PRR16: variants seen among roughly 807,000 people sequenced by gnomAD.
PRR16 encodes protein Largen.
A neutral mutation model predicts 18.2 loss-of-function variants in PRR16; 6 were observed. The observed-to-expected ratio is 0.33, with a 90% confidence interval of 0.18 to 0.65. The LOEUF (loss-of-function observed/expected upper bound fraction) is 0.65. PRR16 is among the 30% of genes least tolerant of loss of function. The pLI is 0.74. For synonymous variants in PRR16, 151 were observed against 147.8 expected (o/e 1.02, Z -0.16); for missense variants, 412 against 376.6 (o/e 1.09, Z -0.78).
intron 1 of PRR16, among the ~76,000 whole-genome samples, chr5:120,528,367 A>C (rs192852508): frequency 2.0e-5 from 3 of 152,318 alleles, no homozygotes; most frequent in Admixed American, 2.0e-4. Flanking sequence ...GCATTTCAGT[A>C]CAATGAATGG....
chr5:120,695,559 A>C, the PRR16 span, among the ~76,000 whole-genome samples: 1 of 152,218 alleles, frequency 6.6e-6, no homozygotes, highest in African/African-American at 2.4e-5. Flanking sequence ...CTCTTGCCTT[A>C]GTTTCTACTC....
At chr5:120,785,572 GTTGTTT>G in the PRR16 span, among the ~76,000 whole-genome samples, 1 of 119,908 alleles carries the variant, frequency 8.3e-6, no homozygotes, top group African/African-American at 3.3e-5. Context: ...TTTTGTTGTT[GTTGTTT>G]TTTTTTTTTT....
intron 1 of PRR16, among the ~76,000 whole-genome samples, chr5:120,584,579 T>C (rs1467320747): frequency 6.6e-6 from 1 of 152,214 alleles, no homozygotes; most frequent in Non-Finnish European, 1.5e-5. Flanking sequence ...TCCCCAGGCA[T>C]TTTCTAATTT....
chr5:120,728,419 G>A, the PRR16 span, among the ~76,000 whole-genome samples: 2 of 151,590 alleles, frequency 1.3e-5, no homozygotes, highest in African/African-American at 4.8e-5. Flanking sequence ...TTCTATTAAG[G>A]AGAGAATTCT....
chr5:120,660,444 C>A (rs1756137369), intron 1 of PRR16, among the ~76,000 whole-genome samples: 1 of 152,038 alleles, frequency 6.6e-6, no homozygotes, highest in Non-Finnish European at 1.5e-5. Context: ...GTATTCAAAA[C>A]TTTTCCATGG....
At chr5:120,778,385 T>C in the PRR16 span, among the ~76,000 whole-genome samples, 2 of 152,174 alleles carry the variant, frequency 1.3e-5, no homozygotes, top group Non-Finnish European at 2.9e-5. Flanking sequence ...ATTTTTCCTA[T>C]CCTTAATCTT....
At chr5:120,704,503 T>C in the PRR16 span, among the ~76,000 whole-genome samples, 5 of 152,196 alleles carry the variant, frequency 3.3e-5, no homozygotes, top group Non-Finnish European at 5.9e-5. Context: ...GTTCTAAAAA[T>C]TCTTAGCATT....
At chr5:120,754,462 G>GTATATATTATATAATATATAA in the PRR16 span, among the ~76,000 whole-genome samples, 3 of 53,982 alleles carry the variant, frequency 5.6e-5, no homozygotes, top group African/African-American at 1.6e-4. Context: ...ATAATATATA[G>GTATATATTATATAATATATAA]TATATAGTAT....
chr5:120,492,295 T>C (rs1217212351), intron 1 of PRR16, among the ~76,000 whole-genome samples: 1 of 105,808 alleles, frequency 9.5e-6, no homozygotes, highest in African/African-American at 3.1e-5. Context: ...TGTGTGTGTG[T>C]GTGTGGAGAG....
intron 1 of PRR16, among the ~76,000 whole-genome samples, chr5:120,565,592 T>G (rs1045716037): frequency 1.3e-5 from 2 of 152,180 alleles, no homozygotes; most frequent in Non-Finnish European, 2.9e-5. Flanking sequence ...AATCCTGAAT[T>G]TAACTCCTAT....
downstream of PRR16, among the ~76,000 whole-genome samples, chr5:120,691,833 T>C (rs927848364): frequency 2.6e-5 from 4 of 152,214 alleles, no homozygotes; most frequent in African/African-American, 9.6e-5. Context: ...TCAAGACACA[T>C]GCTATCTAAT....
intron 1 of PRR16, among the ~76,000 whole-genome samples, chr5:120,516,870 T>G (rs1282169723): frequency 6.6e-6 from 1 of 152,174 alleles, no homozygotes. Context: ...TTTTAGCAAT[T>G]TCCATATGGC....
intron 1 of PRR16, among the ~76,000 whole-genome samples, chr5:120,567,796 A>G (rs1752783508): frequency 6.6e-6 from 1 of 152,158 alleles, no homozygotes; most frequent in Non-Finnish European, 1.5e-5. Context: ...TGCCTCCTGT[A>G]CAGCCTGTGG....
chr5:120,673,331 G>C lies in PRR16; in HGVS notation c.160-12623G>C, dbSNP rs979974659. 2.0e-5 allele frequency among the ~76,000 whole-genome samples: 3 copies of C among 152,132 alleles called. No individual in the cohort carries two copies. In the East Asian group the frequency reaches 5.8e-4, roughly 29 times the overall value. ...GCATGATGATTTGGGGCATTTCTAC[G>C]TATTTCAAGTGCAGCTCACAAATGC... is the stretch of plus-strand genomic sequence containing the variant. On this transcript the variant is annotated intron_variant, in intron 1 of 1. Coordinates refer to ENST00000407149, the MANE Select transcript of PRR16 (RefSeq NM_001300783.2).
At chr5:120,787,103 T>A in the PRR16 span, among the ~76,000 whole-genome samples, 1 of 152,180 alleles carries the variant, frequency 6.6e-6, no homozygotes, top group Admixed American at 6.5e-5. Flanking sequence ...TTGTACAAGA[T>A]CTTTCTGTTG....
intron 1 of PRR16, among the ~76,000 whole-genome samples, chr5:120,494,121 A>G (rs1283409718): frequency 2.6e-5 from 4 of 152,176 alleles, no homozygotes; most frequent in Non-Finnish European, 4.4e-5. Context: ...ATAGTTTTCC[A>G]GAGTGACTAT....
At chr5:120,567,231 A>T (rs1459286547) in intron 1 of PRR16, among the ~76,000 whole-genome samples, 2 of 152,138 alleles carry the variant, frequency 1.3e-5, no homozygotes, top group Non-Finnish European at 2.9e-5. Context: ...ATGCATGCCC[A>T]GTCTATGCCA....
intron 1 of PRR16, among the ~76,000 whole-genome samples, chr5:120,542,471 A>G (rs1232821383): frequency 6.6e-6 from 1 of 152,202 alleles, no homozygotes; most frequent in South Asian, 2.1e-4. Flanking sequence ...AGACATTAAC[A>G]TGGATAAATT....
At chr5:120,758,625 G>A in the PRR16 span, among the ~76,000 whole-genome samples, 1 of 151,980 alleles carries the variant, frequency 6.6e-6, no homozygotes, top group Non-Finnish European at 1.5e-5. Context: ...AAGATCTGAT[G>A]GTTTAAAAGT....
Sources: gnomAD v4.1 joint callset for allele counts (sites outside exome capture counted in the v4.1 genomes callset) on GRCh38, gnomAD v4.1.1 for gene constraint, MANE v1.5 for transcripts, NCBI Gene and HGNC (gene_info 2026-07-23, HGNC 2026-07-21) for gene names.